The following IQCM variants were observed in gnomAD, a reference collection of about 807,000 sequenced individuals.
IQCM encodes IQ motif containing M, also known as IQ domain-containing protein M.
A neutral mutation model predicts 57.6 loss-of-function variants in IQCM; 45 were observed. The observed-to-expected ratio is 0.78, with a 90% confidence interval of 0.62 to 1.00. IQCM has a LOEUF of 1.00. Among genes scored for constraint, IQCM ranks in the 50% least tolerant of loss-of-function variants. The pLI is 0.00. For missense variants in IQCM, 468 were observed against 511.6 expected, an observed-to-expected ratio of 0.91 and a Z score of 0.82; for synonymous variants, 148 against 158.9, an observed-to-expected ratio of 0.93 and a Z score of 0.51.
intron 2 of IQCM, among the ~76,000 whole-genome samples, chr4:149,772,385 A>G (rs1229021973): frequency 6.6e-6 from 1 of 152,180 alleles, no homozygotes; most frequent in Non-Finnish European, 1.5e-5. Flanking sequence ...ACTCTGTTAT[A>G]TATATTTCAT....
chr4:149,369,034 GTGTATATATATATA>G (rs1560780073), intron 13 of IQCM, among the ~76,000 whole-genome samples: 1 of 92,696 alleles, frequency 1.1e-5, no homozygotes, highest in East Asian at 3.5e-4. Flanking sequence ...ATATATACAT[GTGTATATATATATA>G]TGTATTTTTT....
At chr4:149,736,092 C>T (rs79407500) in intron 3 of IQCM, among the ~76,000 whole-genome samples, 1 of 151,420 alleles carries the variant, frequency 6.6e-6, no homozygotes, top group African/African-American at 2.4e-5. Context: ...GGATTACAGG[C>T]GTGCACCACC....
intron 2 of IQCM, among the ~76,000 whole-genome samples, chr4:149,805,913 ATTAT>A (rs957510851): frequency 1.1e-4 from 16 of 151,954 alleles, no homozygotes; most frequent in Non-Finnish European, 2.2e-4. Flanking sequence ...TGAAGATTAA[ATTAT>A]TTGTTTTTTG....
intron 8 of IQCM, among the ~76,000 whole-genome samples, chr4:149,601,012 A>G (rs992031388): frequency 6.6e-6 from 1 of 152,212 alleles, no homozygotes; most frequent in Non-Finnish European, 1.5e-5. Flanking sequence ...CACAATGACT[A>G]AATTCATAGA....
intron 12 of IQCM, among the ~76,000 whole-genome samples, chr4:149,511,678 A>G (rs1177582952): frequency 6.6e-6 from 1 of 152,076 alleles, no homozygotes; most frequent in African/African-American, 2.4e-5. Flanking sequence ...AGACCTTATT[A>G]TTGTGTGTTA....
chr4:149,496,781 C>G (rs1454072145), intron 12 of IQCM, among the ~76,000 whole-genome samples: 1 of 152,140 alleles, frequency 6.6e-6, no homozygotes, highest in Non-Finnish European at 1.5e-5. Context: ...AATTTGTAAG[C>G]TCACTAATTT....
At chr4:149,485,091 C>T (rs1426559971) in intron 12 of IQCM, among the ~76,000 whole-genome samples, 1 of 152,056 alleles carries the variant, frequency 6.6e-6, no homozygotes, top group East Asian at 1.9e-4. Flanking sequence ...CATATTGTAG[C>T]TCCATTGTAT....
chr4:149,803,536 A>C (rs1365490500), intron 2 of IQCM, among the ~76,000 whole-genome samples: 1 of 151,944 alleles, frequency 6.6e-6, no homozygotes, highest in Non-Finnish European at 1.5e-5. Flanking sequence ...ATAATTCAAA[A>C]ATTTCTGGTA....
intron 13 of IQCM, among the ~76,000 whole-genome samples, chr4:149,382,137 C>A (rs961532669): frequency 6.6e-6 from 1 of 152,044 alleles, no homozygotes; most frequent in Non-Finnish European, 1.5e-5. Context: ...AATATAAACT[C>A]TTTGCTGGCA....
intron 7 of IQCM, among the ~76,000 whole-genome samples, chr4:149,664,228 A>G (rs1287178693): frequency 6.6e-6 from 1 of 151,912 alleles, no homozygotes; most frequent in Non-Finnish European, 1.5e-5. Flanking sequence ...TTCTTTGTCT[A>G]TATTTTTTGT....
intron 9 of IQCM, among the ~76,000 whole-genome samples, chr4:149,579,799 A>C (rs1162905081): frequency 6.6e-6 from 1 of 151,868 alleles, no homozygotes; most frequent in Non-Finnish European, 1.5e-5. Flanking sequence ...TAGCATTTTC[A>C]GGAGATGCAG....
chr4:149,393,584 A>G (rs1017633181), intron 13 of IQCM, among the ~76,000 whole-genome samples: 4 of 151,988 alleles, frequency 2.6e-5, no homozygotes, highest in African/African-American at 9.7e-5. Context: ...TACACATCTA[A>G]ACACTGCTTA....
intron 13 of IQCM, among the ~76,000 whole-genome samples, chr4:149,385,220 T>C (rs1361890708): frequency 6.6e-6 from 1 of 152,096 alleles, no homozygotes; most frequent in East Asian, 1.9e-4. Context: ...CTATATTACT[T>C]AGGGCTTACA....
chr4:149,629,376 T>A (rs1184399057), intron 7 of IQCM, among the ~76,000 whole-genome samples: 1 of 152,202 alleles, frequency 6.6e-6, no homozygotes, highest in African/African-American at 2.4e-5. Context: ...AACATTTTAT[T>A]TGGCTTGAAC....
chr4:149,523,454 T>C (rs149952971), intron 12 of IQCM, among the ~76,000 whole-genome samples: 2 of 152,250 alleles, frequency 1.3e-5, no homozygotes, highest in African/African-American at 4.8e-5. Flanking sequence ...CAAGGACAGT[T>C]CACATGTCAC....
chr4:149,507,076 T>C (rs1743896928), intron 12 of IQCM, among the ~76,000 whole-genome samples: 1 of 152,276 alleles, frequency 6.6e-6, no homozygotes, highest in South Asian at 2.1e-4. Context: ...TTGCGCAAGC[T>C]TTCTTTTCTT....
intron 9 of IQCM, among the ~76,000 whole-genome samples, chr4:149,573,441 T>TA (rs908196145): frequency 9.2e-5 from 14 of 151,536 alleles, no homozygotes; most frequent in African/African-American, 2.4e-4. Context: ...TGCTGGGTTG[T>TA]AAAAAAAACA....
chr4:149,653,548 C>G (rs1247377906), intron 7 of IQCM, among the ~76,000 whole-genome samples: 1 of 152,068 alleles, frequency 6.6e-6, no homozygotes, highest in East Asian at 1.9e-4. Flanking sequence ...TATGTATGAG[C>G]ATGAGTGTAG....
At chr4:149,660,740 C>T (rs556344337) in intron 7 of IQCM, among the ~76,000 whole-genome samples, 2 of 151,810 alleles carry the variant, frequency 1.3e-5, no homozygotes, top group East Asian at 1.9e-4. Context: ...GGACAAAAAA[C>T]CAAACACCGC....
Sources: gnomAD v4.1 joint callset for allele counts (sites outside exome capture counted in the v4.1 genomes callset) on GRCh38, gnomAD v4.1.1 for gene constraint, MANE v1.5 for transcripts, NCBI Gene and HGNC (gene_info 2026-07-23, HGNC 2026-07-21) for gene names.